Variants in MACF1 observed in about 807,000 individuals in gnomAD.
The protein encoded by MACF1 is microtubule-actin cross-linking factor 1.
A neutral mutation model predicts 854.8 loss-of-function variants in MACF1; 193 were observed. The ratio of observed to expected loss-of-function variants is 0.23; its 90% CI spans 0.20 to 0.25. The LOEUF (loss-of-function observed/expected upper bound fraction) is 0.25, where lower values mean the gene tolerates loss of function less well. MACF1 is among the 10% of genes least tolerant of loss of function. The pLI is 1.00. For synonymous variants in MACF1, 3,185 were observed against 3,226.7 expected (o/e 0.99, Z 0.44); for missense variants, 7,722 against 8,929.1 (o/e 0.86, Z 5.45).
chr1:39,128,822 A>G (rs1166069476), intron 2 of MACF1, among the ~76,000 whole-genome samples: 2 of 152,236 alleles, frequency 1.3e-5, no homozygotes, highest in African/African-American at 4.8e-5. Context: ...TCCACTGGAA[A>G]GCTAACCCAT....
intron 2 of MACF1, among the ~76,000 whole-genome samples, chr1:39,242,219 G>A (rs745701046): frequency 3.3e-5 from 5 of 151,816 alleles, no homozygotes; most frequent in Non-Finnish European, 5.9e-5. Flanking sequence ...GCGTAGCAGC[G>A]CATGCCTGTA....
At chr1:39,241,731 A>AG (rs1159866920) in intron 2 of MACF1, among the ~76,000 whole-genome samples, 2 of 140,802 alleles carry the variant, frequency 1.4e-5, no homozygotes, top group African/African-American at 5.3e-5. Context: ...TATGGCGGGG[A>AG]GGGGGGACTC....
At chr1:39,323,065 C>A in intron 33 of MACF1, 57 bp downstream of exon 33, 1 of 1,520,938 alleles carries the variant, frequency 6.6e-7, no homozygotes, top group South Asian at 1.1e-5. Flanking sequence ...TCTTAGCCAG[C>A]ACGGTGGTGT....
chr1:39,127,944 TC>T, intron 2 of MACF1, among the ~76,000 whole-genome samples: 1 of 152,340 alleles, frequency 6.6e-6, no homozygotes, highest in Admixed American at 6.5e-5. Context: ...TTAAACATGT[TC>T]ACTGTAATAC....
chr1:39,231,726 A>G (rs1477484595), intron 2 of MACF1, among the ~76,000 whole-genome samples: 1 of 151,950 alleles, frequency 6.6e-6, no homozygotes, highest in Non-Finnish European at 1.5e-5. Context: ...TTATTTTAAA[A>G]TAGACACAGG....
chr1:39,107,221 T>C (rs147754623), intron 2 of MACF1, among the ~76,000 whole-genome samples: 80 of 152,160 alleles, frequency 5.3e-4, no homozygotes, highest in African/African-American at 1.8e-3. Flanking sequence ...CCTCACTGGA[T>C]GGTAGTACTG....
chr1:39,434,627 A>G lies in MACF1; in HGVS notation c.17779A>G (p.Met5927Val). ...GCAGCTCAGGCAGCAACAAGAGGAA[A>G]TGAGGGTAAGGAGCATGCCAAGTTT... ...HEQLRQQQEE[M>V]RQLRESIAEH... The change falls in exon 69 of 101, where the codon ATG becomes GTG. Residue 5927 changes from methionine to valine, a missense_variant. Coordinates refer to ENST00000564288, the MANE Select transcript of MACF1 (RefSeq NM_001394062.1). The G allele has an allele frequency of 6.2e-7, 1 of 1,614,044 alleles. No individual in the cohort carries two copies. Among genetic ancestry groups the G allele is most frequent in the Non-Finnish European group, 8.5e-7 (1 of 1,179,884 alleles).
At chr1:39,246,653 C>T (rs1012914983) in intron 2 of MACF1, among the ~76,000 whole-genome samples, 1 of 151,360 alleles carries the variant, frequency 6.6e-6, no homozygotes, top group African/African-American at 2.4e-5. Flanking sequence ...GAATTACAGG[C>T]GCCCACGACC....
Position 39,319,648 on chromosome 1 carries a change from A to G in MACF1, c.3946-16A>G, listed in dbSNP as rs1415356782. On this transcript the variant is annotated splice_polypyrimidine_tract_variant and intron_variant, in intron 30 of 100. Coordinates refer to ENST00000564288, the MANE Select transcript of MACF1 (RefSeq NM_001394062.1). ...TGGTAATGGCAATGATAATGTTGTG[A>G]TATTTTGCTTCCTAGGCCCTATTTG... 5 of 1,577,136 alleles carry G rather than the reference A, an allele frequency of 3.2e-6. No individual in the cohort carries two copies. The Admixed American group carries it at 8.4e-5, about 26-fold the overall frequency.
chr1:39,195,312 C>G (rs1453684531), intron 2 of MACF1, among the ~76,000 whole-genome samples: 1 of 152,156 alleles, frequency 6.6e-6, no homozygotes, highest in African/African-American at 2.4e-5. Context: ...ATTCACTGGG[C>G]CCAGCTTTGC....
chr1:39,439,452 C>T lies in MACF1; in HGVS notation c.18399C>T (p.Ser6133=). 6.2e-7 allele frequency: 1 copy of T among 1,614,186 alleles called. No homozygotes were observed. The highest frequency in any genetic ancestry group is 8.5e-7 in the Non-Finnish European group (1 of 1,180,030). The change falls in exon 72 of 101, where the codon AGC becomes AGT. Residue 6133 remains serine (S), a synonymous_variant. Coordinates refer to ENST00000564288, the MANE Select transcript of MACF1 (RefSeq NM_001394062.1). The part of the protein sequence containing the change: ...DTQDIVHDLE[S]PGIDPSIIKQ... ...AGGATATTGTCCATGACTTGGAAAG[C>T]CCAGGCATTGATCCTTCCATCATCA...
At chr1:39,213,091 G>A (rs1202206964) in intron 1 of MACF1, among the ~76,000 whole-genome samples, 1 of 152,172 alleles carries the variant, frequency 6.6e-6, no homozygotes, top group Non-Finnish European at 1.5e-5. Context: ...TGTAATCTTG[G>A]TCAAGTTATT....
chr1:39,425,561 C>T (rs1643697996), intron 61 of MACF1, among the ~76,000 whole-genome samples: 1 of 152,148 alleles, frequency 6.6e-6, no homozygotes, highest in South Asian at 2.1e-4. Flanking sequence ...CCTAACCTAC[C>T]TTTCTTAGCT....
intron 2 of MACF1, among the ~76,000 whole-genome samples, chr1:39,132,594 G>C (rs1298180343): frequency 6.6e-6 from 1 of 152,162 alleles, no homozygotes; most frequent in African/African-American, 2.4e-5. Flanking sequence ...ATTTCCTAGA[G>C]CATGGCTTGG....
At chr1:39,467,911 A>G (rs1428214442) in intron 95 of MACF1, 1 of 152,226 alleles carries the variant, frequency 6.6e-6, no homozygotes, top group Admixed American at 6.5e-5. Context: ...AGCATACTGT[A>G]TTCAGAAGTT....
chr1:39,474,026 G>A (rs1457384025), intron 97 of MACF1, among the ~76,000 whole-genome samples: 1 of 152,112 alleles, frequency 6.6e-6, no homozygotes. Flanking sequence ...GGCCTAGTAG[G>A]GAAGATCACT....
At chr1:39,195,484 G>A (rs528676351) in intron 2 of MACF1, among the ~76,000 whole-genome samples, 1 of 152,158 alleles carries the variant, frequency 6.6e-6, no homozygotes, top group South Asian at 2.1e-4. Context: ...TAGTGAGGGA[G>A]TAACAATATG....
At chr1:39,216,391 C>G (rs140615219) in intron 1 of MACF1, among the ~76,000 whole-genome samples, 1 of 152,090 alleles carries the variant, frequency 6.6e-6, no homozygotes, top group Non-Finnish European at 1.5e-5. Flanking sequence ...AGTTTGGGAA[C>G]CACTGGTTTG....
chr1:39,234,494 C>T (rs1455457769), intron 2 of MACF1, among the ~76,000 whole-genome samples: 20 of 112,000 alleles, frequency 1.8e-4, no homozygotes, highest in Admixed American at 4.8e-4. Flanking sequence ...TAGGGGCAGC[C>T]GGGCAGAGGC....
Sources: gnomAD v4.1 joint callset for allele counts (sites outside exome capture counted in the v4.1 genomes callset) on GRCh38, gnomAD v4.1.1 for gene constraint, MANE v1.5 for transcripts, NCBI Gene and HGNC (gene_info 2026-07-23, HGNC 2026-07-21) for gene names.